CLVS1: variants seen among roughly 807,000 people sequenced by gnomAD.
CLVS1 encodes the protein clavesin 1.
A neutral mutation model predicts 33.1 loss-of-function variants in CLVS1; 10 were observed. That is an observed-to-expected ratio of 0.30 (90% CI 0.19 to 0.51). The LOEUF is 0.51. Ranked by LOEUF, CLVS1 falls within the 20% of genes least tolerant of loss-of-function variation. The probability of loss-of-function intolerance (pLI) is 0.97; values close to 1 mark genes in which losing one functional copy is unlikely to be tolerated. For synonymous variants in CLVS1, 163 were observed against 166.1 expected (o/e 0.98, Z 0.14); for missense variants, 343 against 433.4 (o/e 0.79, Z 1.85).
chr8:61,402,483 G>C (rs768787470), intron 3 of CLVS1, among the ~76,000 whole-genome samples: 1 of 152,238 alleles, frequency 6.6e-6, no homozygotes. Context: ...TACAAAACAA[G>C]TGAGAGCTGT....
At position 61,288,195 on chromosome 8, in the gene CLVS1, C is replaced by A. The variant is rs372097615; in HGVS notation, c.-152+57C>A. ...TTGCCGAGCCTCCCCGCCTTTCCCC[C>A]GCTCTTTCGATGCCATGGCTGCGGC... On this transcript the variant is annotated intron_variant, in intron 1 of 5. Transcript: ENST00000325897. 19 of 456,344 alleles carry A rather than the reference C, an allele frequency of 4.2e-5. 1 individual carries two copies. Among genetic ancestry groups the A allele is most frequent in the South Asian group, 2.9e-4 (19 of 64,566 alleles). 28.3% of individuals were successfully genotyped at this position (456,344 alleles called of 1,614,324 possible). A position where few individuals can be genotyped will look rare whatever the true frequency, so the allele number is the denominator to read the frequency against.
intron 1 of CLVS1, among the ~76,000 whole-genome samples, chr8:61,089,847 A>G (rs1175408058): frequency 6.6e-6 from 1 of 152,212 alleles, no homozygotes; most frequent in Non-Finnish European, 1.5e-5. Flanking sequence ...GCTCGAGCCC[A>G]GGAATCCAAG....
At chr8:61,152,182 C>A (rs1806551866) in intron 2 of CLVS1, among the ~76,000 whole-genome samples, 1 of 152,158 alleles carries the variant, frequency 6.6e-6, no homozygotes, top group Non-Finnish European at 1.5e-5. Flanking sequence ...AAGGTGCCAG[C>A]AGATTTGGGG....
At chr8:61,421,298 G>A (rs1815654178) in intron 3 of CLVS1, among the ~76,000 whole-genome samples, 1 of 152,196 alleles carries the variant, frequency 6.6e-6, no homozygotes, top group Non-Finnish European at 1.5e-5. Context: ...TTGTCATGGT[G>A]CAGCAAAGTG....
At chr8:61,057,546 A>C (rs953503494) in intron 1 of CLVS1, among the ~76,000 whole-genome samples, 3 of 152,170 alleles carry the variant, frequency 2.0e-5, no homozygotes, top group African/African-American at 7.2e-5. Context: ...GTTTATGAGA[A>C]TCAATTATAA....
intron 2 of CLVS1, among the ~76,000 whole-genome samples, chr8:61,329,203 A>ATCTCTCTCTC (rs34303330): frequency 0.017 from 2,451 of 145,120 alleles, 83 homozygotes; most frequent in African/African-American, 0.058. Flanking sequence ...ACCCCTCCTC[A>ATCTCTCTCTC]TCTCTCTCTC....
chr8:61,136,742 C>G (rs1279462544), intron 2 of CLVS1, among the ~76,000 whole-genome samples: 3 of 152,174 alleles, frequency 2.0e-5, no homozygotes, highest in Admixed American at 6.5e-5. Context: ...GGACACTAGA[C>G]TTAATACCTG....
At chr8:60,971,135 G>A in the CLVS1 span, among the ~76,000 whole-genome samples, 5 of 145,334 alleles carry the variant, frequency 3.4e-5, no homozygotes, top group African/African-American at 7.7e-5. Context: ...GAGTGCAGGT[G>A]GCACAATCAC....
intron 2 of CLVS1, among the ~76,000 whole-genome samples, chr8:61,144,756 C>T (rs562122315): frequency 4.6e-5 from 7 of 152,292 alleles, no homozygotes; most frequent in East Asian, 3.9e-4. Flanking sequence ...TTCTAACTGG[C>T]GTGAGATGGT....
chr8:61,302,977 C>T (rs1045034169), intron 2 of CLVS1, among the ~76,000 whole-genome samples: 1 of 152,128 alleles, frequency 6.6e-6, no homozygotes, highest in African/African-American at 2.4e-5. Flanking sequence ...TGGTGCTTAA[C>T]CTTTAGAAAC....
At chr8:60,982,749 G>A in the CLVS1 span, among the ~76,000 whole-genome samples, 1 of 152,198 alleles carries the variant, frequency 6.6e-6, no homozygotes, top group Non-Finnish European at 1.5e-5. Context: ...GTCTGGGACA[G>A]ATATTACCCA....
chr8:61,033,526 A>AG, the CLVS1 span, among the ~76,000 whole-genome samples: 1 of 152,150 alleles, frequency 6.6e-6, no homozygotes, highest in Non-Finnish European at 1.5e-5. Flanking sequence ...TTACTGGGTG[A>AG]GGGGGGAAAC....
chr8:61,329,095 A>G (rs997233468), intron 2 of CLVS1, among the ~76,000 whole-genome samples: 2 of 151,984 alleles, frequency 1.3e-5, no homozygotes, highest in African/African-American at 4.8e-5. Context: ...TTCCCTAATA[A>G]TCTTCTTTCT....
At position 61,161,022 on chromosome 8, in the gene CLVS1, G is replaced by A. The variant is rs182822067; in HGVS notation, c.-152+29162G>A. ...CATATTAAAAAATAGACCAAGGAGC[G>A]GAATAGGCATTTCTCCAAAGAAAAT... On this transcript the variant is annotated intron_variant, in intron 2 of 2. Transcript: ENST00000522621. Among the ~76,000 whole-genome samples the A allele has an allele frequency of 7.2e-5, 11 of 152,194 alleles. No individual in the cohort carries two copies. In the East Asian group the frequency reaches 7.7e-4, roughly 11 times the overall value.
At chr8:61,376,578 C>G (rs1813653927) in intron 2 of CLVS1, 27 bp from the exon 3 acceptor site, 1 of 1,605,176 alleles carries the variant, frequency 6.2e-7, no homozygotes, top group African/African-American at 1.3e-5. Context: ...TATTCACACA[C>G]AGCTCTCCTT....
At chr8:61,009,369 A>G in the CLVS1 span, among the ~76,000 whole-genome samples, 5 of 152,132 alleles carry the variant, frequency 3.3e-5, no homozygotes, top group African/African-American at 1.2e-4. Context: ...GCTGGTCTCG[A>G]ACTCCTGGGC....
chr8:61,257,758 A>G (rs750609643), intron 2 of CLVS1, among the ~76,000 whole-genome samples: 9 of 152,234 alleles, frequency 5.9e-5, no homozygotes, highest in African/African-American at 1.2e-4. Flanking sequence ...TGATATGTTT[A>G]TAAAGAGATA....
intron 4 of CLVS1, among the ~76,000 whole-genome samples, chr8:61,456,335 C>T (rs945901077): frequency 6.6e-6 from 1 of 152,154 alleles, no homozygotes; most frequent in Non-Finnish European, 1.5e-5. Flanking sequence ...TGATATTTCG[C>T]TCCAGCATGT....
At chr8:61,307,152 T>C (rs1472185917) in intron 2 of CLVS1, among the ~76,000 whole-genome samples, 3 of 152,134 alleles carry the variant, frequency 2.0e-5, no homozygotes, top group Non-Finnish European at 4.4e-5. Flanking sequence ...CCCAAGAACC[T>C]TGATGGGGAA....
Sources: gnomAD v4.1 joint callset for allele counts (sites outside exome capture counted in the v4.1 genomes callset) on GRCh38, gnomAD v4.1.1 for gene constraint, MANE v1.5 for transcripts, NCBI Gene and HGNC (gene_info 2026-07-23, HGNC 2026-07-21) for gene names.